Variants in RAPGEF1 observed in about 807,000 individuals in gnomAD.
The protein encoded by RAPGEF1 is Rap guanine nucleotide exchange factor 1.
Under a neutral mutation model 143.3 loss-of-function variants are expected in RAPGEF1, and 33 were observed. The observed-to-expected ratio is 0.23, with a 90% CI of 0.17 to 0.31. The LOEUF (loss-of-function observed/expected upper bound fraction) is 0.31, where lower values mean the gene tolerates loss of function less well. Ranked by LOEUF, RAPGEF1 falls within the 10% of genes least tolerant of loss-of-function variation. The probability of loss-of-function intolerance (pLI) is 1.00; values close to 1 mark genes in which losing one functional copy is unlikely to be tolerated. For missense variants in RAPGEF1, 1,199 were observed against 1,645.4 expected (o/e 0.73, Z 4.69); for synonymous variants, 629 against 676.5 (o/e 0.93, Z 1.09).
chr9:131,634,315 G>A (rs949110333), intron 5 of RAPGEF1, among the ~76,000 whole-genome samples: 7 of 152,126 alleles, frequency 4.6e-5, no homozygotes, highest in African/African-American at 1.7e-4. Context: ...GGAAACTGCC[G>A]ACTGGTCACT....
In RAPGEF1 at chr9:131,577,510, G is replaced by A. The variant is rs1003241921; in HGVS notation, c.*1987C>T. On this transcript the variant is annotated 3_prime_UTR_variant, in exon 27 of 27. Coordinates refer to ENST00000683357, the MANE Select transcript of RAPGEF1 (RefSeq NM_001377935.1). ...GCAGCATGGCACTGGCATTGCCTGT[G>A]CTACAGATGGGGACTCCTGCGAGTC... 2 of 152,282 alleles carry A rather than the reference G, an allele frequency of 1.3e-5. No homozygotes were observed. The highest frequency in any genetic ancestry group is 4.8e-5 in the African/African-American group (2 of 41,470). 9.4% of individuals were successfully genotyped at this position (152,282 alleles called of 1,614,324 possible).
At chr9:131,718,799 G>C (rs1475959931) in intron 1 of RAPGEF1, among the ~76,000 whole-genome samples, 1 of 152,126 alleles carries the variant, frequency 6.6e-6, no homozygotes, top group East Asian at 1.9e-4. Flanking sequence ...ACATGCATTT[G>C]AGAAGGACCA....
At chr9:131,651,114 C>T in intron 1 of RAPGEF1, among the ~76,000 whole-genome samples, 165 bp from the exon 2 acceptor site, 1 of 152,224 alleles carries the variant, frequency 6.6e-6, no homozygotes, top group Non-Finnish European at 1.5e-5. Flanking sequence ...TTTCTGCTTA[C>T]ATGCTTCAAT....
intron 10 of RAPGEF1, 82 bp from the exon 11 acceptor site, chr9:131,622,080 C>CT (rs775196570): frequency 2.2e-4 from 292 of 1,351,680 alleles, no homozygotes; most frequent in Non-Finnish European, 1.4e-4. Flanking sequence ...CCCACAGCAG[C>CT]TAGGGGGCTT....
intron 1 of RAPGEF1, chr9:131,709,954 A>G (rs1450885891): frequency 4.1e-6 from 4 of 985,186 alleles, no homozygotes; most frequent in Non-Finnish European, 4.8e-6. Context: ...GGTCTATATT[A>G]AGAAGCTCTT....
rs1182173456 is a variant in RAPGEF1, at chr9:131,628,124, A to G, written c.1018-28T>C. On this transcript the variant is annotated intron_variant, in intron 8 of 26. Coordinates refer to ENST00000683357, the MANE Select transcript of RAPGEF1 (RefSeq NM_001377935.1). The surrounding 1 kb of genome is among the most constrained non-coding windows in gnomAD (Gnocchi z 5.7). ...CAAGTGGAAAAAGAAAAACAAAGCC[A>G]AATCACTTCTGAGAAACGGTGGCAC... The G allele has an allele frequency of 4.0e-6, 6 of 1,498,236 alleles. No homozygotes were observed. Among genetic ancestry groups the G allele is most frequent in the East Asian group, 2.4e-5 (1 of 40,860 alleles). The allele number at this position is 1,498,236 out of a possible 1,614,324, so 92.8% of individuals were successfully genotyped here.
intron 1 of RAPGEF1, among the ~76,000 whole-genome samples, chr9:131,670,028 TC>T (rs1276722290): frequency 6.6e-6 from 1 of 152,136 alleles, no homozygotes; most frequent in Non-Finnish European, 1.5e-5. Context: ...TCAACAGGCC[TC>T]ATCTCACTGA....
intron 1 of RAPGEF1, among the ~76,000 whole-genome samples, chr9:131,713,978 T>C (rs1365339193): frequency 6.6e-6 from 1 of 152,160 alleles, no homozygotes; most frequent in Non-Finnish European, 1.5e-5. Flanking sequence ...TCCACTGCAA[T>C]ATTCTAGTAA....
chr9:131,629,211 T>A lies in RAPGEF1; in HGVS notation c.784A>T (p.Asn262Tyr). The A allele has an allele frequency of 6.2e-7, 1 of 1,613,966 alleles. No individual in the cohort carries two copies. The highest frequency in any genetic ancestry group is 8.5e-7 in the Non-Finnish European group (1 of 1,179,864). The stretch of plus-strand genomic sequence containing the variant: ...GACTGTGACATCCCAGTCGTCTTGT[T>A]TAGGATCTCTACCTCGCGGTCTGTC... ...PLTDREVEIL[N>Y]KTTGMSQSTE... Residue 262 changes from asparagine to tyrosine, a missense_variant, in exon 7 of 27, where the codon AAC becomes TAC. Asn to Tyr is a moderately radical substitution (Grantham distance 143). Around this residue, in one of 6 missense-constraint regions of RAPGEF1, gnomAD observed 613 missense variants for 710.9 expected, o/e 0.86. Transcript: ENST00000683357.
At chr9:131,589,783 G>C in intron 19 of RAPGEF1, 103 bp downstream of exon 19, 1 of 1,118,446 alleles carries the variant, frequency 8.9e-7, no homozygotes, top group Non-Finnish European at 1.3e-6. Context: ...AGATAGAGCA[G>C]GCAAGAGCCA....
At chr9:131,716,030 C>T (rs1052127658) in intron 1 of RAPGEF1, among the ~76,000 whole-genome samples, 1 of 152,164 alleles carries the variant, frequency 6.6e-6, no homozygotes, top group African/African-American at 2.4e-5. Context: ...CCCGCCGACC[C>T]ACGTCTGCAG....
At chr9:131,642,829 G>A (rs1389273528) in intron 4 of RAPGEF1, among the ~76,000 whole-genome samples, 4 of 152,222 alleles carry the variant, frequency 2.6e-5, no homozygotes. Context: ...GTGCTCTTCA[G>A]TCTGGGCCTC....
rs1970888146 is a variant in RAPGEF1, at chr9:131,650,804, G to A, written c.201+6C>T. The A allele has an allele frequency of 6.2e-7, 1 of 1,613,354 alleles. No individual in the cohort carries two copies. The highest frequency in any genetic ancestry group is 8.5e-7 in the Non-Finnish European group (1 of 1,179,714). ...AGGCCAGGAGAAACATCCAGAGTCAGCTTACTTTGTTCACAGGCTTCTCTG... is the reference window on the plus strand; with the variant it reads ...AGGCCAGGAGAAACATCCAGAGTCAACTTACTTTGTTCACAGGCTTCTCTG... On this transcript the variant is annotated splice_donor_region_variant and intron_variant, in intron 2 of 26. Transcript: ENST00000683357. The surrounding 1 kb of genome is among the most constrained non-coding windows in gnomAD (Gnocchi z 4.7).
At chr9:131,630,159 C>A (rs1964445685) in intron 6 of RAPGEF1, 77 bp downstream of exon 6, 2 of 1,322,564 alleles carry the variant, frequency 1.5e-6, no homozygotes, top group Non-Finnish European at 2.2e-6. Flanking sequence ...GCCCACCCCA[C>A]CGGGCCCTAT....
Position 131,624,749 on chromosome 9 carries a change from T to C in RAPGEF1, c.1702+1173A>G, listed in dbSNP as rs1321663022. ...AAGGAAATGCTTCTGGCAGTGCCAT[T>C]GCACACCCCTCTGCGGGAGCCCTGG... On this transcript the variant is annotated intron_variant, in intron 10 of 26. Coordinates refer to ENST00000683357, the MANE Select transcript of RAPGEF1 (RefSeq NM_001377935.1). 2.0e-5 allele frequency among the ~76,000 whole-genome samples: 3 copies of C among 152,342 alleles called. No homozygotes were observed. In the East Asian group the frequency reaches 5.8e-4, roughly 29 times the overall value.
intron 14 of RAPGEF1, 71 bp downstream of exon 14, chr9:131,603,890 G>C: frequency 4.2e-6 from 4 of 954,134 alleles, no homozygotes; most frequent in Non-Finnish European, 5.7e-6. Context: ...CGGGGGAAGC[G>C]GCCTCGGGAG....
chr9:131,600,185 G>A lies in RAPGEF1; in HGVS notation c.2502-1875C>T, dbSNP rs191161020. Among the ~76,000 whole-genome samples, 99 of 152,244 alleles carry A rather than the reference G, an allele frequency of 6.5e-4. 1 individual carries two copies. Among genetic ancestry groups the A allele is most frequent in the Middle Eastern group, 3.4e-3 (1 of 294 alleles). ...GTCAGAGTGGGCCCTGCCCAGTCTC[G>A]AGAAAATCCCTGCTCCACATCTCGT... is the stretch of plus-strand genomic sequence containing the variant. On this transcript the variant is annotated intron_variant, in intron 15 of 26. Coordinates refer to ENST00000683357, the MANE Select transcript of RAPGEF1 (RefSeq NM_001377935.1).
chr9:131,730,408 G>A (rs1170621714), intron 1 of RAPGEF1, among the ~76,000 whole-genome samples: 1 of 151,018 alleles, frequency 6.6e-6, no homozygotes, highest in Non-Finnish European at 1.5e-5. Context: ...TAGGCTGGGA[G>A]GTGGCTCACA....
At chr9:131,672,077 C>T (rs895752481) in intron 1 of RAPGEF1, among the ~76,000 whole-genome samples, 2 of 152,062 alleles carry the variant, frequency 1.3e-5, no homozygotes, top group Admixed American at 6.5e-5. Flanking sequence ...TGGTGAAGAC[C>T]GCAAACCTAG....
Sources: allele counts gnomAD v4.1 joint callset (sites outside exome capture counted in the v4.1 genomes callset), GRCh38; gene constraint gnomAD v4.1.1; regional missense constraint gnomAD v4.1.1; non-coding constraint Gnocchi (gnomAD v3.1); transcripts MANE v1.5; gene names NCBI Gene and HGNC (gene_info 2026-07-23, HGNC 2026-07-21).